ARNT: variants seen among roughly 807,000 people sequenced by gnomAD.
The protein encoded by ARNT is aryl hydrocarbon receptor nuclear translocator, also known as class E basic helix-loop-helix protein 2.
Under a neutral mutation model 105.0 loss-of-function variants are expected in ARNT, and 30 were observed. The observed-to-expected ratio is 0.29, with a 90% CI of 0.21 to 0.39. ARNT has a LOEUF of 0.39. Among genes scored for constraint, ARNT ranks in the 10% least tolerant of loss-of-function variants. The pLI is 1.00. For missense variants in ARNT, 748 were observed against 978.7 expected, an observed-to-expected ratio of 0.76 and a Z score of 3.15; for synonymous variants, 304 against 344.0, an observed-to-expected ratio of 0.88 and a Z score of 1.29.
chr1:150,830,340 A>G (rs10305712), intron 10 of ARNT: 1,739 of 173,308 alleles, frequency 0.01, 11 homozygotes, highest in Non-Finnish European at 0.014. Flanking sequence ...ACAGAGTGAG[A>G]CTCCCTCTCA....
chr1:150,823,001 C>A (rs913916034), intron 14 of ARNT, among the ~76,000 whole-genome samples, 193 bp downstream of exon 14: 1 of 152,174 alleles, frequency 6.6e-6, no homozygotes, highest in African/African-American at 2.4e-5. Context: ...ACTGCAACCT[C>A]CACCTCTCAG....
chr1:150,852,926 G>A (rs1663902696), intron 2 of ARNT, 120 bp from the exon 3 acceptor site: 2 of 1,244,636 alleles, frequency 1.6e-6, no homozygotes, highest in South Asian at 1.3e-5. Context: ...GAAAGAGGAA[G>A]TGGCAGAAGT....
Position 150,809,721 on chromosome 1 carries a change from T to C in ARNT, c.*2300A>G, listed in dbSNP as rs1250270670. ...GGTCCAGACTTGAACAGTTTAAATT[T>C]CACTCATTTTAATCCAGAAAAGGAC... On this transcript the variant is annotated 3_prime_UTR_variant, in exon 22 of 22. Coordinates refer to ENST00000358595, the MANE Select transcript of ARNT (RefSeq NM_001668.4). 5 of 201,718 alleles carry C rather than the reference T, an allele frequency of 2.5e-5. No individual in the cohort carries two copies. The East Asian group carries it at 3.7e-4, about 15-fold the overall frequency. 12.5% of individuals were successfully genotyped at this position (201,718 alleles called of 1,614,324 possible).
At chr1:150,826,477 G>T in intron 13 of ARNT, 66 bp downstream of exon 13, 1 of 1,278,750 alleles carries the variant, frequency 7.8e-7, no homozygotes, top group Non-Finnish European at 1.1e-6. Flanking sequence ...CAGTTAATCA[G>T]TAGTCAATAT....
At chr1:150,816,631 AG>A (rs1331733730) in intron 18 of ARNT, among the ~76,000 whole-genome samples, 156 bp downstream of exon 18, 2 of 152,196 alleles carry the variant, frequency 1.3e-5, no homozygotes, top group East Asian at 3.8e-4. Context: ...GCAAAGAAAT[AG>A]GAGGAAGAAA....
chr1:150,840,693 G>A (rs905218639), intron 5 of ARNT, among the ~76,000 whole-genome samples: 4 of 152,154 alleles, frequency 2.6e-5, no homozygotes, highest in Non-Finnish European at 5.9e-5. Context: ...ATGGAGAGGA[G>A]GATGATTAAA....
chr1:150,850,926 C>T (rs1397687872), intron 3 of ARNT, among the ~76,000 whole-genome samples: 3 of 151,308 alleles, frequency 2.0e-5, no homozygotes, highest in South Asian at 2.1e-4. Flanking sequence ...CGCCTCTGCC[C>T]GGCCACGACC....
chr1:150,851,571 C>T (rs1372350452), intron 3 of ARNT, among the ~76,000 whole-genome samples: 5 of 152,270 alleles, frequency 3.3e-5, no homozygotes, highest in Admixed American at 6.5e-5. Flanking sequence ...CAACCCAGTG[C>T]TCTCTGAAAC....
intron 1 of ARNT, among the ~76,000 whole-genome samples, chr1:150,863,595 G>A (rs1277489015): frequency 2.0e-5 from 3 of 152,032 alleles, no homozygotes; most frequent in African/African-American, 4.8e-5. Context: ...TTGGGAGGCC[G>A]AGGTGGGTGG....
chr1:150,839,672 G>A lies in ARNT; in HGVS notation c.273-18C>T, dbSNP rs1423590246. 5.0e-6 allele frequency: 8 copies of A among 1,606,642 alleles called. No homozygotes were observed. The highest frequency in any genetic ancestry group is 6.8e-6 in the Non-Finnish European group (8 of 1,176,312). ...GATTTTCCCTGCATGGAAAGAAAGA[G>A]AAGCCCCATCCAGGTGGTCACATCT... On this transcript the variant is annotated intron_variant, in intron 5 of 21. Coordinates refer to ENST00000358595, the MANE Select transcript of ARNT (RefSeq NM_001668.4).
chr1:150,868,107 C>A (rs1043913779), intron 1 of ARNT, among the ~76,000 whole-genome samples: 1 of 151,870 alleles, frequency 6.6e-6, no homozygotes, highest in Non-Finnish European at 1.5e-5. Flanking sequence ...GCTAGAAAGG[C>A]AGGTAGGTGG....
intron 11 of ARNT, chr1:150,829,658 GA>G: frequency 3.5e-6 from 2 of 567,732 alleles, no homozygotes; most frequent in Non-Finnish European, 6.3e-6. Flanking sequence ...ACTGGAAATA[GA>G]AAATTAAGCA....
chr1:150,851,825 C>T (rs1663636829), intron 3 of ARNT, among the ~76,000 whole-genome samples: 1 of 152,016 alleles, frequency 6.6e-6, no homozygotes, highest in Admixed American at 6.6e-5. Flanking sequence ...CCAAATCCCC[C>T]TCTGCGAGAA....
chr1:150,836,227 G>A, intron 7 of ARNT, 53 bp downstream of exon 7: 1 of 1,570,068 alleles, frequency 6.4e-7, no homozygotes, highest in Non-Finnish European at 8.7e-7. Flanking sequence ...TTAAGTCTCA[G>A]GAAAAAAACA....
chr1:150,837,814 C>T (rs901610985), intron 6 of ARNT, among the ~76,000 whole-genome samples: 6 of 152,024 alleles, frequency 3.9e-5, no homozygotes, highest in African/African-American at 1.4e-4. Context: ...ATTCTACCAG[C>T]AACTCAACAT....
chr1:150,817,851 A>C (rs1656239480), intron 15 of ARNT, 69 bp downstream of exon 15: 1 of 1,293,180 alleles, frequency 7.7e-7, no homozygotes, highest in African/African-American at 1.5e-5. Flanking sequence ...CGAACAAAAA[A>C]TATATGGGAT....
intron 3 of ARNT, among the ~76,000 whole-genome samples, chr1:150,850,723 G>A (rs1387920959): frequency 6.6e-6 from 1 of 152,154 alleles, no homozygotes; most frequent in Non-Finnish European, 1.5e-5. Context: ...GAAGTGAGGA[G>A]CATCTCTGCC....
In ARNT at chr1:150,826,535, AAAGTT is replaced by A; in HGVS notation, c.1242+3_1242+7del. The stretch of plus-strand genomic sequence containing the variant: ...ATTTATTCAGAACCAAACCAGGAAA[AAAGTT>A]ACCTGTTGGAAGCTGTCTCTTAGAA... On this transcript the variant is annotated splice_donor_5th_base_variant and intron_variant, in intron 13 of 21. Coordinates refer to ENST00000358595, the MANE Select transcript of ARNT (RefSeq NM_001668.4). 1 of 1,608,090 alleles carries A rather than the reference AAAGTT, an allele frequency of 6.2e-7. No individual in the cohort carries two copies.
chr1:150,875,991 G>A (rs1380283858), intron 1 of ARNT, among the ~76,000 whole-genome samples: 27 of 152,196 alleles, frequency 1.8e-4, no homozygotes. Flanking sequence ...AGACGGGGAC[G>A]GGGGTTGCGG....
Sources: gnomAD v4.1 joint callset for allele counts (sites outside exome capture counted in the v4.1 genomes callset) on GRCh38, gnomAD v4.1.1 for gene constraint, MANE v1.5 for transcripts, NCBI Gene and HGNC (gene_info 2026-07-23, HGNC 2026-07-21) for gene names.